FGF12: variants seen among roughly 807,000 people sequenced by gnomAD.
FGF12 encodes fibroblast growth factor 12, also known as fibroblast growth factor 12B.
In FGF12, 14 loss-of-function variants were observed where a neutral mutation model predicts 23.6. That is an observed-to-expected ratio of 0.59 (90% confidence interval 0.39 to 0.93). FGF12 has a LOEUF of 0.93. FGF12 is among the 40% of genes least tolerant of loss of function. The pLI is 0.00. For missense variants in FGF12, 175 were observed against 217.8 expected (o/e 0.80, Z 1.24); for synonymous variants, 62 against 77.3 (o/e 0.80, Z 1.04).
chr3:192,688,810 T>C (rs1269529867), intron 2 of FGF12, among the ~76,000 whole-genome samples: 1 of 152,150 alleles, frequency 6.6e-6, no homozygotes, highest in African/African-American at 2.4e-5. Context: ...GCAGCAGTAT[T>C]CACAATAGCA....
chr3:192,240,355 T>A (rs191464216), intron 4 of FGF12, among the ~76,000 whole-genome samples: 1 of 152,338 alleles, frequency 6.6e-6, no homozygotes, highest in East Asian at 1.9e-4. Flanking sequence ...ATTTCCCCTG[T>A]TATTTTTTTT....
At chr3:192,300,762 A>C (rs1422359286) in intron 4 of FGF12, among the ~76,000 whole-genome samples, 1 of 152,158 alleles carries the variant, frequency 6.6e-6, no homozygotes, top group Non-Finnish European at 1.5e-5. Context: ...TCACATCTGT[A>C]ATCCCAGCAC....
At chr3:192,600,305 A>G (rs1212496131) in intron 2 of FGF12, among the ~76,000 whole-genome samples, 2 of 152,036 alleles carry the variant, frequency 1.3e-5, no homozygotes, top group Non-Finnish European at 2.9e-5. Context: ...TTTGTAATAT[A>G]TTTTGAAGTC....
chr3:192,326,284 G>A (rs1716816086), intron 4 of FGF12, among the ~76,000 whole-genome samples: 1 of 152,184 alleles, frequency 6.6e-6, no homozygotes, highest in African/African-American at 2.4e-5. Context: ...CAGAAATTGG[G>A]AAAATGTTTA....
chr3:192,230,047 C>T (rs116212093), intron 4 of FGF12, among the ~76,000 whole-genome samples: 2 of 152,070 alleles, frequency 1.3e-5, no homozygotes, highest in South Asian at 2.1e-4. Flanking sequence ...GTGGTCACAG[C>T]GCAATGGCAT....
intron 5 of FGF12, among the ~76,000 whole-genome samples, chr3:192,159,773 G>C (rs116718560): frequency 0.014 from 2,107 of 152,136 alleles, 45 homozygotes; most frequent in African/African-American, 0.047. Context: ...ATTTGCTATT[G>C]GTATCCTGAA....
At chr3:192,241,911 G>T (rs1719635948) in intron 4 of FGF12, among the ~76,000 whole-genome samples, 1 of 152,106 alleles carries the variant, frequency 6.6e-6, no homozygotes, top group African/African-American at 2.4e-5. Context: ...CTGTTCTTGA[G>T]TATATCTTCA....
At chr3:192,501,698 C>T (rs1490699082) in intron 2 of FGF12, among the ~76,000 whole-genome samples, 1 of 152,166 alleles carries the variant, frequency 6.6e-6, no homozygotes, top group African/African-American at 2.4e-5. Flanking sequence ...AACCTACAAA[C>T]AAAAATATTT....
chr3:192,247,739 T>A (rs1030919894), intron 4 of FGF12, among the ~76,000 whole-genome samples: 2 of 152,096 alleles, frequency 1.3e-5, no homozygotes, highest in Non-Finnish European at 2.9e-5. Context: ...GAAAAAACAG[T>A]CAACAGCTTC....
chr3:192,506,296 T>G (rs1167207660), intron 2 of FGF12, among the ~76,000 whole-genome samples: 1 of 152,258 alleles, frequency 6.6e-6, no homozygotes, highest in Non-Finnish European at 1.5e-5. Context: ...AGTGCCTGTT[T>G]AGCTGCTACA....
chr3:192,292,924 A>C (rs961300033), intron 4 of FGF12, among the ~76,000 whole-genome samples: 1 of 152,054 alleles, frequency 6.6e-6, no homozygotes, highest in African/African-American at 2.4e-5. Context: ...GACTACAGGC[A>C]TGTACCACTA....
intron 4 of FGF12, among the ~76,000 whole-genome samples, chr3:192,176,074 A>AAT (rs1715841637): frequency 6.6e-6 from 1 of 152,170 alleles, no homozygotes; most frequent in South Asian, 2.1e-4. Flanking sequence ...ATCAAGGATA[A>AAT]ATAGACAGAA....
intron 4 of FGF12, among the ~76,000 whole-genome samples, chr3:192,206,892 C>T (rs1717678467): frequency 6.6e-6 from 1 of 152,156 alleles, no homozygotes. Flanking sequence ...CTGAAGCTTC[C>T]TTCACACTGA....
chr3:192,613,830 CT>C (rs951248989), intron 2 of FGF12, among the ~76,000 whole-genome samples: 3 of 151,294 alleles, frequency 2.0e-5, no homozygotes, highest in East Asian at 1.9e-4. Flanking sequence ...AAAATGCAAA[CT>C]TTTTTTTTCA....
chr3:192,418,786 T>C (rs1180930258), intron 2 of FGF12, among the ~76,000 whole-genome samples: 1 of 152,188 alleles, frequency 6.6e-6, no homozygotes, highest in Non-Finnish European at 1.5e-5. Context: ...CCTTACACCA[T>C]GATCTTAAGT....
chr3:192,550,127 A>C (rs1028265767), intron 2 of FGF12, among the ~76,000 whole-genome samples: 1 of 151,594 alleles, frequency 6.6e-6, no homozygotes, highest in Non-Finnish European at 1.5e-5. Context: ...ATATATAATT[A>C]CACATATAGA....
At chr3:192,463,426 A>G (rs1348745095) in intron 2 of FGF12, among the ~76,000 whole-genome samples, 1 of 152,176 alleles carries the variant, frequency 6.6e-6, no homozygotes, top group Non-Finnish European at 1.5e-5. Context: ...TCTCAAAAAA[A>G]AAGTTGTTGT....
intron 4 of FGF12, among the ~76,000 whole-genome samples, chr3:192,230,213 A>G (rs73887265): frequency 0.014 from 2,144 of 152,250 alleles, 48 homozygotes; most frequent in African/African-American, 0.049. Context: ...ATCCACTTTT[A>G]TCATTCAATA....
At chr3:192,237,677 C>A (rs1408416984) in intron 4 of FGF12, among the ~76,000 whole-genome samples, 1 of 152,176 alleles carries the variant, frequency 6.6e-6, no homozygotes, top group East Asian at 1.9e-4. Context: ...TTTTTCATCT[C>A]CAGACATTCA....
Sources: allele counts gnomAD v4.1 joint callset (sites outside exome capture counted in the v4.1 genomes callset), GRCh38; gene constraint gnomAD v4.1.1; transcripts MANE v1.5; gene names NCBI Gene and HGNC (gene_info 2026-07-23, HGNC 2026-07-21).